LRRIQ1: variants seen among roughly 807,000 people sequenced by gnomAD.
LRRIQ1 encodes leucine rich repeats and IQ motif containing 1.
LRRIQ1 carries 210 observed loss-of-function variants against 211.9 expected under a neutral mutation model. That is an observed-to-expected ratio of 0.99 (90% CI 0.89 to 1.11). LRRIQ1 has a LOEUF of 1.11. LRRIQ1 is among the 50% of genes most tolerant of loss of function. The pLI, the probability that LRRIQ1 is intolerant of heterozygous loss-of-function variation, is 0.00. For synonymous variants in LRRIQ1, 699 were observed against 650.1 expected, an observed-to-expected ratio of 1.08 and a Z score of -1.14; for missense variants, 2,136 against 1,939.5, an observed-to-expected ratio of 1.10 and a Z score of -1.90.
chr12:85,185,133 T>G (rs543767125), intron 24 of LRRIQ1, among the ~76,000 whole-genome samples: 9 of 151,958 alleles, frequency 5.9e-5, no homozygotes, highest in Non-Finnish European at 1.3e-4. Flanking sequence ...TAGAATGTGA[T>G]ATGCCATATT....
At position 85,084,498 on chromosome 12, in the gene LRRIQ1, A is replaced by G. The variant is rs140821303; in HGVS notation, c.2887+11400A>G. Among the ~76,000 whole-genome samples the G allele has an allele frequency of 3.1e-3, 469 of 152,294 alleles. 4 individuals carry two copies. Among genetic ancestry groups the G allele is most frequent in the African/African-American group, 0.01 (435 of 41,572 alleles). On this transcript the variant is annotated intron_variant, in intron 11 of 26. Transcript: ENST00000393217. ...TAATAATACTTATTATTGCTAGGGT[A>G]TATGTAAACTGATATGTTTTCCGCA...
Position 85,128,016 on chromosome 12 carries a change from G to A in LRRIQ1, c.4192G>A (p.Ala1398Thr). 2 of 1,609,130 alleles carry A rather than the reference G, an allele frequency of 1.2e-6. No homozygotes were observed. The highest frequency in any genetic ancestry group is 1.7e-6 in the Non-Finnish European group (2 of 1,175,580). ...IVNIRKQREK[A>T]AILIQAVWKG... ...GAATATCCGAAAACAGAGGGAGAAG[G>A]CTGCTATTCTTATTCAGGTTAATTT... is the stretch of plus-strand genomic sequence containing the variant. Residue 1398 changes from alanine (A) to threonine (T), a missense_variant, in exon 18 of 27, where the codon GCT (alanine) becomes ACT (threonine). By Grantham distance (58) the Ala-to-Thr change is moderately conservative. Transcript: ENST00000393217.
At chr12:85,085,249 T>G (rs1251962411) in intron 11 of LRRIQ1, among the ~76,000 whole-genome samples, 1 of 152,196 alleles carries the variant, frequency 6.6e-6, no homozygotes, top group Non-Finnish European at 1.5e-5. Context: ...CTGGAACAGT[T>G]CTGCAACAGT....
intron 24 of LRRIQ1, among the ~76,000 whole-genome samples, chr12:85,167,387 C>T (rs1276781677): frequency 1.3e-5 from 2 of 152,132 alleles, no homozygotes; most frequent in African/African-American, 4.8e-5. Context: ...GGAAGCCAGC[C>T]CGAGTCTCAA....
rs746246274 is a variant in LRRIQ1, at chr12:85,055,980, T to C, written c.1187T>C (p.Ile396Thr). ...LREDASQQLI[I>T]SSALKKSGYN... is the part of the protein sequence containing the mutation. ...GAAGATGCAAGCCAACAGCTAATAA[T>C]AAGTAGTGCATTAAAGAAGAGCGGA... Residue 396 changes from isoleucine to threonine, a missense_variant, in exon 8 of 27, where the codon ATA becomes ACA. Physicochemically the swap from Ile to Thr is moderately conservative, Grantham distance 89. Transcript: ENST00000393217. The C allele has an allele frequency of 1.7e-5, 28 of 1,609,466 alleles. No individual in the cohort carries two copies. The highest frequency in any genetic ancestry group is 2.2e-5 in the Non-Finnish European group (26 of 1,177,936).
chr12:85,171,142 G>A (rs1891397035), intron 24 of LRRIQ1, among the ~76,000 whole-genome samples: 2 of 152,082 alleles, frequency 1.3e-5, no homozygotes, highest in Non-Finnish European at 2.9e-5. Flanking sequence ...TACGGAAGAA[G>A]AAATTGAGAA....
At chr12:85,257,198 A>ATT (rs1565931478) in intron 1 of LRRIQ1, among the ~76,000 whole-genome samples, 6 of 1,468 alleles carry the variant, frequency 4.1e-3, no homozygotes, top group East Asian at 0.062. Context: ...ATATTATATA[A>ATT]ATATATATAT....
chr12:85,257,169 A>ATTATGTAT (rs1243137693), intron 1 of LRRIQ1, among the ~76,000 whole-genome samples: 2 of 376 alleles, frequency 5.3e-3, no homozygotes, highest in Non-Finnish European at 8.9e-3. Flanking sequence ...TAATTATATA[A>ATTATGTAT]TAATTATGTA....
At chr12:85,244,652 C>A in intron 26 of LRRIQ1, 137 bp from the exon 27 acceptor site, 1 of 751,708 alleles carries the variant, frequency 1.3e-6, no homozygotes, top group East Asian at 2.8e-5. Flanking sequence ...GCCTGGGCAG[C>A]AATAAAGGAT....
chr12:85,258,072 A>C (rs1896173763), intron 1 of LRRIQ1, among the ~76,000 whole-genome samples: 1 of 151,944 alleles, frequency 6.6e-6, no homozygotes, highest in Non-Finnish European at 1.5e-5. Flanking sequence ...GCATTTATCA[A>C]AATGAGATTC....
chr12:85,262,438 T>C (rs1299042837), intron 1 of LRRIQ1, among the ~76,000 whole-genome samples: 2 of 152,088 alleles, frequency 1.3e-5, no homozygotes, highest in Non-Finnish European at 2.9e-5. Flanking sequence ...CTTGATATTC[T>C]AGATCTAATG....
chr12:85,141,651 A>C (rs1889547822), intron 19 of LRRIQ1, among the ~76,000 whole-genome samples: 1 of 141,666 alleles, frequency 7.1e-6, no homozygotes, highest in African/African-American at 2.7e-5. Flanking sequence ...CTTTACTGTG[A>C]TTTTATATTT....
At chr12:85,038,541 A>G (rs374279795) in intron 2 of LRRIQ1, among the ~76,000 whole-genome samples, 393 of 151,828 alleles carry the variant, frequency 2.6e-3, no homozygotes, top group African/African-American at 8.9e-3. Context: ...ACATTTTAGC[A>G]TGATTAAATT....
intron 26 of LRRIQ1, among the ~76,000 whole-genome samples, chr12:85,235,681 A>G (rs1764464867): frequency 6.6e-6 from 1 of 151,382 alleles, no homozygotes; most frequent in Non-Finnish European, 1.5e-5. Context: ...GTTAAATATG[A>G]TCTAGGTAGG....
At chr12:85,166,941 G>A (rs1006521740) in intron 24 of LRRIQ1, among the ~76,000 whole-genome samples, 3 of 152,148 alleles carry the variant, frequency 2.0e-5, no homozygotes, top group Admixed American at 6.5e-5. Flanking sequence ...CCTTAGCACA[G>A]TGCCTAATGT....
downstream of LRRIQ1, among the ~76,000 whole-genome samples, chr12:85,267,868 G>A (rs1486719341): frequency 6.6e-6 from 1 of 151,870 alleles, no homozygotes; most frequent in Admixed American, 6.6e-5. Flanking sequence ...GCTCTGATGG[G>A]CATCTTGAAC....
At chr12:85,227,901 G>T (rs1046397502) in intron 24 of LRRIQ1, among the ~76,000 whole-genome samples, 8 of 152,106 alleles carry the variant, frequency 5.3e-5, no homozygotes, top group African/African-American at 1.7e-4. Context: ...TGACAAACCT[G>T]ACAAAAACAA....
intron 11 of LRRIQ1, among the ~76,000 whole-genome samples, chr12:85,087,927 G>A (rs923837878): frequency 1.3e-4 from 20 of 151,934 alleles, no homozygotes; most frequent in Non-Finnish European, 2.1e-4. Context: ...TTTCTTTTGC[G>A]ATGCAGAAGC....
rs751867672 is a variant in LRRIQ1, at chr12:85,056,662, T to G, written c.1869T>G (p.Asp623Glu). 14 of 1,603,048 alleles carry G rather than the reference T, an allele frequency of 8.7e-6. No individual in the cohort carries two copies. The Admixed American group carries it at 1.0e-4, about 12-fold the overall frequency. ...CACTAACATCAGAAAATTCCAAAGA[T>G]GTAAGAGAAAACGTAATATTACAAG... ...SLSLTSENSK[D>E]VRENVILQEK... is the part of the protein sequence containing the mutation. Residue 623 changes from aspartate to glutamate, a missense_variant, in exon 8 of 27, where the codon GAT (aspartate) becomes GAG (glutamate). Coordinates refer to ENST00000393217, the MANE Select transcript of LRRIQ1 (RefSeq NM_001079910.2).
Sources: gnomAD v4.1 joint callset for allele counts (sites outside exome capture counted in the v4.1 genomes callset) on GRCh38, gnomAD v4.1.1 for gene constraint, MANE v1.5 for transcripts, NCBI Gene and HGNC (gene_info 2026-07-23, HGNC 2026-07-21) for gene names.